SCARA3: variants seen among roughly 807,000 people sequenced by gnomAD.
The protein encoded by SCARA3 is scavenger receptor class A member 3.
A neutral mutation model predicts 47.0 loss-of-function variants in SCARA3; 39 were observed. The observed-to-expected ratio is 0.83, with a 90% CI of 0.64 to 1.08. The LOEUF (loss-of-function observed/expected upper bound fraction) is 1.08, where lower values mean the gene tolerates loss of function less well. SCARA3 is among the 50% of genes least tolerant of loss of function. The pLI, the probability that SCARA3 is intolerant of heterozygous loss-of-function variation, is 0.00. For missense variants in SCARA3, 724 were observed against 792.3 expected (o/e 0.91, Z 1.04); for synonymous variants, 356 against 334.1 (o/e 1.07, Z -0.71).
At chr8:27,686,453 A>C in the SCARA3 span, among the ~76,000 whole-genome samples, 12 of 152,146 alleles carry the variant, frequency 7.9e-5, no homozygotes, top group Admixed American at 4.6e-4. Context: ...CTTAAAAAAA[A>C]AAATACATAC....
chr8:27,685,706 A>G, the SCARA3 span, among the ~76,000 whole-genome samples: 1 of 152,216 alleles, frequency 6.6e-6, no homozygotes, highest in Non-Finnish European at 1.5e-5. Context: ...GATGCAGTGG[A>G]AAGTACACAA....
At chr8:27,687,135 G>A in the SCARA3 span, among the ~76,000 whole-genome samples, 1 of 152,176 alleles carries the variant, frequency 6.6e-6, no homozygotes, top group Admixed American at 6.5e-5. Flanking sequence ...TTTTTACCCA[G>A]GTTGAACCAA....
chr8:27,692,181 C>T, the SCARA3 span, among the ~76,000 whole-genome samples: 3 of 152,050 alleles, frequency 2.0e-5, no homozygotes, highest in African/African-American at 7.2e-5. Context: ...ACCTGTAATC[C>T]CAGCACTTTG....
At chr8:27,638,275 A>G (rs1176873104) in intron 1 of SCARA3, among the ~76,000 whole-genome samples, 4 of 151,862 alleles carry the variant, frequency 2.6e-5, no homozygotes, top group Non-Finnish European at 5.9e-5. Flanking sequence ...TGGCTCTCAT[A>G]CATGCACTGC....
In SCARA3 at chr8:27,634,176, T is replaced by G; in HGVS notation, c.-25T>G. On this transcript the variant is annotated 5_prime_UTR_variant, in exon 1 of 6. Transcript: ENST00000301904. ...GCTCCAGCCGCCTGCAGCGGGGCCCTCCTGAGGCCCCAGAGGAAGAGACCA... is the reference window on the plus strand; with the variant it reads ...GCTCCAGCCGCCTGCAGCGGGGCCCGCCTGAGGCCCCAGAGGAAGAGACCA... 1 of 1,438,666 alleles carries G rather than the reference T, an allele frequency of 7.0e-7. No homozygotes were observed. Among genetic ancestry groups the G allele is most frequent in the Non-Finnish European group, 9.1e-7 (1 of 1,100,012 alleles). 89.1% of individuals were successfully genotyped at this position (1,438,666 alleles called of 1,614,324 possible). A position where few individuals can be genotyped will look rare whatever the true frequency, so the allele number is the denominator to read the frequency against.
chr8:27,659,465 C>T lies in SCARA3; in HGVS notation c.1295C>T (p.Ser432Phe). 6.2e-7 allele frequency: 1 copy of T among 1,613,990 alleles called. No homozygotes were observed. Among genetic ancestry groups the T allele is most frequent in the Non-Finnish European group, 8.5e-7 (1 of 1,179,956 alleles). Residue 432 changes from serine to phenylalanine, a missense_variant, in exon 5 of 6, where the codon TCC (serine) becomes TTC (phenylalanine). Coordinates refer to ENST00000301904, the MANE Select transcript of SCARA3 (RefSeq NM_016240.3). ...ARLDLNVRNL[S>F]MIVEEMKAVD... is the part of the protein sequence containing the mutation. ...CTGGACCTCAACGTCCGGAACCTCT[C>T]CATGATCGTGGAGGAGATGAAGGCA...
At chr8:27,707,717 C>G in the SCARA3 span, among the ~76,000 whole-genome samples, 2 of 151,532 alleles carry the variant, frequency 1.3e-5, no homozygotes, top group Admixed American at 6.6e-5. Flanking sequence ...ATTAAAAGAA[C>G]CTGCCAAGAG....
chr8:27,733,064 T>C, the SCARA3 span, among the ~76,000 whole-genome samples: 1 of 152,212 alleles, frequency 6.6e-6, no homozygotes, highest in Non-Finnish European at 1.5e-5. Flanking sequence ...AAACTCCAAG[T>C]ACTAGTGTTC....
Position 27,672,489 on chromosome 8 carries a change from C to A in SCARA3, c.*1138C>A. 1.0e-6 allele frequency: 1 copy of A among 985,696 alleles called. No individual in the cohort carries two copies. Among genetic ancestry groups the A allele is most frequent in the Non-Finnish European group, 1.2e-6 (1 of 830,118 alleles). The allele number at this position is 985,696 out of a possible 1,614,324, so 61.1% of individuals were successfully genotyped here. A position where few individuals can be genotyped will look rare whatever the true frequency, so the allele number is the denominator to read the frequency against. ...GAGGATTAGGCTGCAGAAGGGCCAACCCCTTGCAACAGGGCAGCTCTCGCC... is the reference window on the plus strand; with the variant it reads ...GAGGATTAGGCTGCAGAAGGGCCAAACCCTTGCAACAGGGCAGCTCTCGCC... On this transcript the variant is annotated 3_prime_UTR_variant, in exon 6 of 6. Transcript: ENST00000301904.
Position 27,670,988 on chromosome 8 carries a change from C to G in SCARA3, c.1458C>G (p.Pro486=), listed in dbSNP as rs140958701. The change falls in exon 6 of 6, where the codon CCC becomes CCG. Residue 486 remains proline, a synonymous_variant. Transcript: ENST00000301904. The part of the protein sequence containing the change: ...PVGGRGPKGD[P]GSLGPLGPQG... ...GCGGCAGAGGCCCGAAAGGAGACCC[C>G]GGCAGCTTGGGCCCCCTGGGACCCC... The G allele has an allele frequency of 6.2e-7, 1 of 1,608,338 alleles. No individual in the cohort carries two copies. Among genetic ancestry groups the G allele is most frequent in the Non-Finnish European group, 8.5e-7 (1 of 1,178,456 alleles).
the SCARA3 span, among the ~76,000 whole-genome samples, chr8:27,689,002 T>G: frequency 6.6e-6 from 1 of 152,090 alleles, no homozygotes; most frequent in Admixed American, 6.5e-5. Flanking sequence ...GAGCTCTGTG[T>G]TTAAAGAGGC....
the SCARA3 span, among the ~76,000 whole-genome samples, chr8:27,720,780 C>G: frequency 1.3e-5 from 2 of 151,924 alleles, no homozygotes; most frequent in South Asian, 4.2e-4. Flanking sequence ...ACCCACCCCT[C>G]TATTCATCCA....
chr8:27,658,646 T>C lies in SCARA3; in HGVS notation c.476T>C (p.Val159Ala), dbSNP rs1801813056. The change falls in exon 5 of 6, where the codon GTG becomes GCG. Residue 159 changes from valine to alanine, a missense_variant. Coordinates refer to ENST00000301904, the MANE Select transcript of SCARA3 (RefSeq NM_016240.3). Reference protein sequence around the residue: ...QLDQTLQAQEVLSTTSRQISQ... With the variant: ...QLDQTLQAQEALSTTSRQISQ... ...GACCAGACCTTACAGGCCCAGGAGG[T>C]GCTCTCCACCACCAGCAGACAAATC... 1 of 1,613,650 alleles carries C rather than the reference T, an allele frequency of 6.2e-7. No homozygotes were observed. Among genetic ancestry groups the C allele is most frequent in the Admixed American group, 1.7e-5 (1 of 59,968 alleles).
the SCARA3 span, among the ~76,000 whole-genome samples, chr8:27,731,323 C>T: frequency 1.5e-4 from 22 of 151,648 alleles, no homozygotes; most frequent in African/African-American, 5.1e-4. Context: ...TGGTCTTGAA[C>T]TCCTGCGTTC....
At chr8:27,642,563 C>A (rs775825645) in intron 1 of SCARA3, among the ~76,000 whole-genome samples, 10 of 152,118 alleles carry the variant, frequency 6.6e-5, no homozygotes, top group Admixed American at 2.6e-4. Context: ...TGGCTCATGC[C>A]AGTAATCCCA....
At chr8:27,693,774 G>C in the SCARA3 span, among the ~76,000 whole-genome samples, 1 of 152,086 alleles carries the variant, frequency 6.6e-6, no homozygotes, top group Non-Finnish European at 1.5e-5. Flanking sequence ...TAAAAACTAG[G>C]TCTCCACAAC....
intron 1 of SCARA3, among the ~76,000 whole-genome samples, chr8:27,641,607 G>C (rs1801383462): frequency 1.3e-5 from 2 of 152,350 alleles, no homozygotes; most frequent in South Asian, 2.1e-4. Flanking sequence ...CCATGGGGCA[G>C]AACTCAACCC....
intron 1 of SCARA3, among the ~76,000 whole-genome samples, chr8:27,636,532 G>A (rs1392706505): frequency 6.6e-6 from 1 of 152,162 alleles, no homozygotes; most frequent in African/African-American, 2.4e-5. Context: ...AAAAAGAGGT[G>A]CCTGAGGAGG....
intron 5 of SCARA3, among the ~76,000 whole-genome samples, chr8:27,664,789 A>C (rs959429621): frequency 2.0e-5 from 3 of 149,998 alleles, no homozygotes; most frequent in African/African-American, 7.3e-5. Flanking sequence ...GTGGAGTTCC[A>C]TGACTAGGAG....
Sources: allele counts gnomAD v4.1 joint callset (sites outside exome capture counted in the v4.1 genomes callset), GRCh38; gene constraint gnomAD v4.1.1; transcripts MANE v1.5; gene names NCBI Gene and HGNC (gene_info 2026-07-23, HGNC 2026-07-21).